TTC6: variants seen among roughly 807,000 people sequenced by gnomAD.
The protein encoded by TTC6 is tetratricopeptide repeat domain 6, also known as tetratricopeptide repeat protein 6.
Under a neutral mutation model 210.4 loss-of-function variants are expected in TTC6, and 172 were observed. That is an observed-to-expected ratio of 0.82 (90% CI 0.72 to 0.93). TTC6 has a LOEUF of 0.93. Ranked by LOEUF, TTC6 falls within the 40% of genes least tolerant of loss-of-function variation. The pLI is 0.00. For synonymous variants in TTC6, 804 were observed against 819.6 expected, an observed-to-expected ratio of 0.98 and a Z score of 0.32; for missense variants, 2,414 against 2,318.1, an observed-to-expected ratio of 1.04 and a Z score of -0.85.
intron 29 of TTC6, among the ~76,000 whole-genome samples, chr14:37,831,234 T>G (rs189124174): frequency 1.3e-5 from 2 of 152,050 alleles, no homozygotes; most frequent in African/African-American, 4.8e-5. Flanking sequence ...TGCTCACCCA[T>G]GTTGCTGCAA....
rs536712496 is a variant in TTC6 at position 37,796,233 on chromosome 14, A to T, written c.3792-61A>T. 26 of 729,370 alleles carry T rather than the reference A, an allele frequency of 3.6e-5. No homozygotes were observed. The African/African-American group carries it at 4.3e-4, about 12-fold the overall frequency. The allele number at this position is 729,370 out of a possible 1,614,324, so 45.2% of individuals were successfully genotyped here. A position where few individuals can be genotyped will look rare whatever the true frequency, so the allele number is the denominator to read the frequency against. ...AAATTGTAAGTAACTGATTAGAAGA[A>T]ACTTTATTTTAGAAAGTTAATTTTT... On this transcript the variant is annotated intron_variant, in intron 18 of 30. Transcript: ENST00000553443.
chr14:37,600,627 C>G (rs889980395), intron 1 of TTC6, among the ~76,000 whole-genome samples: 1 of 152,194 alleles, frequency 6.6e-6, no homozygotes, highest in African/African-American at 2.4e-5. Flanking sequence ...AATCATATGC[C>G]ATATCCTTCA....
intron 9 of TTC6, 105 bp downstream of exon 11, chr14:37,737,839 CTCTAG>C (rs1473807155): frequency 1.6e-5 from 9 of 576,672 alleles, no homozygotes; most frequent in Non-Finnish European, 2.3e-5. Context: ...ATATTATATT[CTCTAG>C]TCTAATTACA....
At chr14:37,774,206 A>G (rs2096029868) in intron 14 of TTC6, among the ~76,000 whole-genome samples, 1 of 152,152 alleles carries the variant, frequency 6.6e-6, no homozygotes, top group Admixed American at 6.5e-5. Flanking sequence ...ATCATCTGGA[A>G]ATAGGGATAG....
intron 1 of TTC6, among the ~76,000 whole-genome samples, chr14:37,642,185 C>T (rs555113981): frequency 5.3e-5 from 8 of 152,292 alleles, no homozygotes; most frequent in South Asian, 4.1e-4. Flanking sequence ...CCATAGCCTC[C>T]GCTGGTAGCT....
chr14:37,837,280 A>T (rs182872650), intron 29 of TTC6: 230 of 385,164 alleles, frequency 6.0e-4, no homozygotes, highest in African/African-American at 4.1e-3. Context: ...TTCTTTATTG[A>T]TAATTTATTG....
At chr14:37,790,022 G>T (rs1001560543) in intron 15 of TTC6, among the ~76,000 whole-genome samples, 2 of 152,086 alleles carry the variant, frequency 1.3e-5, no homozygotes, top group African/African-American at 4.8e-5. Flanking sequence ...GTAGGCGAGA[G>T]ACATGAGATG....
At chr14:37,755,202 T>G (rs993376244) in intron 14 of TTC6, among the ~76,000 whole-genome samples, 1 of 151,646 alleles carries the variant, frequency 6.6e-6, no homozygotes, top group Admixed American at 6.6e-5. Flanking sequence ...AAGTGTATGT[T>G]CACATTCTTT....
exon 24 of TTC6, chr14:37,808,815 T>C: frequency 6.5e-7 from 1 of 1,541,994 alleles, no homozygotes; most frequent in Non-Finnish European, 8.7e-7. Flanking sequence ...AACAGAGCAT[T>C]ATGTTACACC....
At chr14:37,712,603 A>G (rs2095846350) in intron 5 of TTC6, among the ~76,000 whole-genome samples, 2 of 152,214 alleles carry the variant, frequency 1.3e-5, no homozygotes, top group African/African-American at 4.8e-5. Context: ...ACTTACAATC[A>G]TGGTGGAAGG....
At chr14:37,797,031 C>A in intron 20 of TTC6, 84 bp downstream of exon 22, 13 of 1,229,984 alleles carry the variant, frequency 1.1e-5, no homozygotes, top group Non-Finnish European at 1.4e-5. Context: ...AAATATTTTT[C>A]ACAAAATTAA....
chr14:37,769,011 AG>A (rs2096008875), intron 14 of TTC6, among the ~76,000 whole-genome samples: 1 of 152,172 alleles, frequency 6.6e-6, no homozygotes, highest in Admixed American at 6.5e-5. Context: ...TTTAGCAAGA[AG>A]GGCTGTTGAA....
chr14:37,778,268 G>T (rs1178580569), intron 14 of TTC6, among the ~76,000 whole-genome samples: 2 of 152,106 alleles, frequency 1.3e-5, no homozygotes, highest in Non-Finnish European at 2.9e-5. Flanking sequence ...GGGTTGGGTA[G>T]GGGTTCAGGT....
At chr14:37,805,452 C>CAA (rs1164441470) in intron 21 of TTC6, among the ~76,000 whole-genome samples, 2 of 150,230 alleles carry the variant, frequency 1.3e-5, no homozygotes, top group African/African-American at 4.9e-5. Context: ...CACACACACA[C>CAA]AAACACACAC....
At chr14:37,723,166 C>G (rs2095865143) in intron 6 of TTC6, among the ~76,000 whole-genome samples, 1 of 151,986 alleles carries the variant, frequency 6.6e-6, no homozygotes, top group South Asian at 2.1e-4. Flanking sequence ...TTTTAGAACA[C>G]TTTCTTAATT....
chr14:37,686,190 C>T (rs965818724), intron 3 of TTC6, among the ~76,000 whole-genome samples: 2 of 152,052 alleles, frequency 1.3e-5, no homozygotes, highest in South Asian at 4.1e-4. Context: ...CTGAACTCTA[C>T]TATATGTCTG....
At chr14:37,634,188 A>C (rs530316570) in intron 1 of TTC6, among the ~76,000 whole-genome samples, 1 of 152,348 alleles carries the variant, frequency 6.6e-6, no homozygotes, top group South Asian at 2.1e-4. Flanking sequence ...CAGTTCCTCT[A>C]CCAAAGTACC....
Position 37,839,447 on chromosome 14 carries a change from T to C in TTC6, c.5299-1998T>C, listed in dbSNP as rs2096205186. ...TTGTTGGCTGCATAAATGTCTTCTT[T>C]TGAGAAGTGTCTGTTCATATCCTTC... On this transcript the variant is annotated intron_variant, in intron 29 of 30. Transcript: ENST00000553443. Among the ~76,000 whole-genome samples the C allele has an allele frequency of 2.0e-5, 3 of 152,240 alleles. 1 individual carries two copies. In the South Asian group the frequency reaches 6.2e-4, roughly 31 times the overall value.
chr14:37,761,704 T>C (rs71407602), intron 14 of TTC6, among the ~76,000 whole-genome samples: 5,067 of 152,258 alleles, frequency 0.033, 136 homozygotes, highest in Non-Finnish European at 0.051. Flanking sequence ...TAAACATTCT[T>C]AGTTTAATTT....
Sources: allele counts gnomAD v4.1 joint callset (sites outside exome capture counted in the v4.1 genomes callset), GRCh38; gene constraint gnomAD v4.1.1; transcripts MANE v1.5; gene names NCBI Gene and HGNC (gene_info 2026-07-23, HGNC 2026-07-21).